The following JMJD1C variants were observed in gnomAD, a reference collection of about 807,000 sequenced individuals.
The protein encoded by JMJD1C is jumonji domain-containing protein 1C.
In JMJD1C, 31 loss-of-function variants were observed where a neutral mutation model predicts 245.3. The observed-to-expected ratio is 0.13, with a 90% CI of 0.09 to 0.17. JMJD1C has a LOEUF of 0.17. JMJD1C is among the 10% of genes least tolerant of loss of function. The pLI is 1.00. For synonymous variants in JMJD1C, 1,057 were observed against 1,017.4 expected, an observed-to-expected ratio of 1.04 and a Z score of -0.74; for missense variants, 2,691 against 3,000.2, an observed-to-expected ratio of 0.90 and a Z score of 2.41.
chr10:63,469,121 A>T (rs953836688), upstream of JMJD1C, among the ~76,000 whole-genome samples: 2 of 152,232 alleles, frequency 1.3e-5, no homozygotes, highest in Non-Finnish European at 2.9e-5. Context: ...TTGACTTGGT[A>T]TGTAACTGTG....
intron 2 of JMJD1C, among the ~76,000 whole-genome samples, chr10:63,297,834 C>T (rs967556824): frequency 2.0e-5 from 3 of 152,202 alleles, no homozygotes; most frequent in African/African-American, 7.2e-5. Context: ...CCCCCTCACT[C>T]GCCACACTGC....
chr10:63,242,911 T>C (rs1851668039), intron 3 of JMJD1C, among the ~76,000 whole-genome samples: 1 of 151,764 alleles, frequency 6.6e-6, no homozygotes, highest in South Asian at 2.1e-4. Flanking sequence ...AATGATATCA[T>C]ACCTATTTTA....
chr10:63,390,586 AC>A, intron 1 of JMJD1C, among the ~76,000 whole-genome samples: 1 of 152,116 alleles, frequency 6.6e-6, no homozygotes, highest in Non-Finnish European at 1.5e-5. Context: ...AACAACAACA[AC>A]AACAAAATAA....
chr10:63,417,850 T>C (rs1020114263), intron 1 of JMJD1C, among the ~76,000 whole-genome samples: 1 of 152,200 alleles, frequency 6.6e-6, no homozygotes, highest in African/African-American at 2.4e-5. Flanking sequence ...CCAGTTATTG[T>C]CAACAATTAG....
At chr10:63,224,914 T>C (rs1022743871) in intron 3 of JMJD1C, among the ~76,000 whole-genome samples, 3 of 151,742 alleles carry the variant, frequency 2.0e-5, no homozygotes, top group Admixed American at 6.6e-5. Context: ...ATACAAAACC[T>C]AGCTGGGTGT....
intron 1 of JMJD1C, among the ~76,000 whole-genome samples, chr10:63,426,348 C>A (rs1308468121): frequency 2.0e-5 from 3 of 151,852 alleles, no homozygotes; most frequent in African/African-American, 4.8e-5. Context: ...CAGAGCAAAA[C>A]CCTATCTATT....
At chr10:63,390,356 A>G (rs1182317145) in intron 1 of JMJD1C, among the ~76,000 whole-genome samples, 1 of 152,164 alleles carries the variant, frequency 6.6e-6, no homozygotes, top group Non-Finnish European at 1.5e-5. Context: ...AAACAAACTA[A>G]TAACAAGTAA....
At chr10:63,396,752 G>C (rs1006845730) in intron 1 of JMJD1C, among the ~76,000 whole-genome samples, 1 of 151,708 alleles carries the variant, frequency 6.6e-6, no homozygotes, top group African/African-American at 2.4e-5. Context: ...TAATACAATA[G>C]GCACAGAGCA....
chr10:63,452,589 C>A (rs1030829304), intron 1 of JMJD1C, among the ~76,000 whole-genome samples: 4 of 152,010 alleles, frequency 2.6e-5, no homozygotes, highest in African/African-American at 9.7e-5. Context: ...GTACATACCC[C>A]AAGGAAGTAA....
At chr10:63,210,530 T>A (rs1564614318) in intron 8 of JMJD1C, among the ~76,000 whole-genome samples, 1 of 152,166 alleles carries the variant, frequency 6.6e-6, no homozygotes, top group African/African-American at 2.4e-5. Flanking sequence ...TGACACATAC[T>A]GAGTATTGCT....
chr10:63,458,297 G>C (rs1324633903), intron 1 of JMJD1C, among the ~76,000 whole-genome samples: 2 of 151,998 alleles, frequency 1.3e-5, no homozygotes, highest in Non-Finnish European at 2.9e-5. Flanking sequence ...ACCAGCCTGG[G>C]CAACACAGTC....
At chr10:63,469,278 A>G (rs1317046578), upstream of JMJD1C, among the ~76,000 whole-genome samples, 1 of 152,250 alleles carries the variant, frequency 6.6e-6, no homozygotes, top group Non-Finnish European at 1.5e-5. Flanking sequence ...ACTATGTGTC[A>G]GACAGTATAC....
intron 2 of JMJD1C, among the ~76,000 whole-genome samples, chr10:63,332,542 G>A (rs189710554): frequency 1.4e-4 from 21 of 152,276 alleles, no homozygotes; most frequent in Non-Finnish European, 2.2e-4. Flanking sequence ...AGAAATGAAT[G>A]GGAAAGAGAT....
chr10:63,473,238 A>G (rs1953550241), intron 1 of JMJD1C, among the ~76,000 whole-genome samples: 1 of 149,192 alleles, frequency 6.7e-6, no homozygotes, highest in Non-Finnish European at 1.5e-5. Context: ...AGTAATACAC[A>G]TTTGGTTAAA....
intron 2 of JMJD1C, among the ~76,000 whole-genome samples, chr10:63,356,430 C>G (rs1944848613): frequency 6.6e-6 from 1 of 152,202 alleles, no homozygotes; most frequent in African/African-American, 2.4e-5. Context: ...TCCAGACCCT[C>G]ACTGAAGAAC....
intron 1 of JMJD1C, among the ~76,000 whole-genome samples, chr10:63,471,700 G>C (rs1301645638): frequency 6.6e-6 from 1 of 152,062 alleles, no homozygotes; most frequent in Non-Finnish European, 1.5e-5. Context: ...TTGTAAAACT[G>C]CTTCTTTCCT....
chr10:63,496,362 G>C (rs1554953078), intron 1 of JMJD1C, among the ~76,000 whole-genome samples: 1 of 151,646 alleles, frequency 6.6e-6, no homozygotes, highest in Admixed American at 6.6e-5. Context: ...TTTTTAAAAA[G>C]AGAAAAAAAA....
At chr10:63,429,558 T>A (rs954690314) in intron 1 of JMJD1C, among the ~76,000 whole-genome samples, 1 of 152,178 alleles carries the variant, frequency 6.6e-6, no homozygotes, top group Non-Finnish European at 1.5e-5. Context: ...CGAGTTGCTT[T>A]GATACAATGT....
chr10:63,364,279 G>C (rs935130675), intron 2 of JMJD1C, among the ~76,000 whole-genome samples: 1 of 152,172 alleles, frequency 6.6e-6, no homozygotes, highest in East Asian at 1.9e-4. Context: ...AAAGTGCTGG[G>C]ATTGGAGTGG....
Sources: allele counts gnomAD v4.1 joint callset (sites outside exome capture counted in the v4.1 genomes callset), GRCh38; gene constraint gnomAD v4.1.1; transcripts MANE v1.5; gene names NCBI Gene and HGNC (gene_info 2026-07-23, HGNC 2026-07-21).